PLCB1: variants seen among roughly 807,000 people sequenced by gnomAD.
PLCB1 encodes the protein 1-phosphatidylinositol 4,5-bisphosphate phosphodiesterase beta-1.
A neutral mutation model predicts 161.8 loss-of-function variants in PLCB1; 46 were observed. The ratio of observed to expected loss-of-function variants is 0.28; its 90% CI spans 0.22 to 0.36. The LOEUF is 0.36. Among genes scored for constraint, PLCB1 ranks in the 10% least tolerant of loss-of-function variants. PLCB1 has a pLI of 1.00. For synonymous variants in PLCB1, 517 were observed against 503.7 expected (o/e 1.03, Z -0.35); for missense variants, 1,016 against 1,472.5 (o/e 0.69, Z 5.07).
intron 3 of PLCB1, among the ~76,000 whole-genome samples, chr20:8,509,317 G>C (rs1006405408): frequency 6.6e-6 from 1 of 152,168 alleles, no homozygotes; most frequent in Non-Finnish European, 1.5e-5. Context: ...CATTCCACAG[G>C]AGAGCGCATC....
chr20:8,649,565 G>A, intron 7 of PLCB1, 116 bp downstream of exon 7: 1 of 724,906 alleles, frequency 1.4e-6, no homozygotes, highest in African/African-American at 1.7e-5. Flanking sequence ...GAAATTAAGA[G>A]CTTCCATGAT....
intron 4 of PLCB1, among the ~76,000 whole-genome samples, chr20:8,636,118 A>G (rs2123247557): frequency 6.6e-6 from 1 of 152,338 alleles, no homozygotes; most frequent in Non-Finnish European, 1.5e-5. Flanking sequence ...AATTGTGTTC[A>G]GCAATTTGTT....
chr20:8,703,588 G>A (rs1978493267), intron 11 of PLCB1, among the ~76,000 whole-genome samples: 1 of 152,166 alleles, frequency 6.6e-6, no homozygotes, highest in Admixed American at 6.5e-5. Context: ...GAAGGGAACA[G>A]CAGATGAGCT....
chr20:8,149,661 G>A (rs1480239944), intron 1 of PLCB1, among the ~76,000 whole-genome samples: 13 of 151,936 alleles, frequency 8.6e-5, no homozygotes, highest in Non-Finnish European at 1.5e-5. Flanking sequence ...TAAGAGAAAA[G>A]AACACATATT....
In PLCB1 at chr20:8,613,249, C is replaced by G. The variant is rs188147916; in HGVS notation, c.247-15045C>G. On this transcript the variant is annotated intron_variant, in intron 3 of 31. Transcript: ENST00000338037. ...CCACACACTTAGCCTAAACAGCAAT[C>G]ATATAAAATGACATCAATGACCACA... is the stretch of plus-strand genomic sequence containing the variant. Among the ~76,000 whole-genome samples, 107 of 152,308 alleles carry G rather than the reference C, an allele frequency of 7.0e-4. 2 individuals carry two copies. Among genetic ancestry groups the G allele is most frequent in the African/African-American group, 2.5e-3 (103 of 41,562 alleles).
At chr20:8,312,086 GGCC>G (rs1389469405) in intron 2 of PLCB1, among the ~76,000 whole-genome samples, 1 of 152,110 alleles carries the variant, frequency 6.6e-6, no homozygotes, top group Non-Finnish European at 1.5e-5. Context: ...CATGTCACCT[GGCC>G]TGTGCTTTTA....
chr20:8,451,301 A>G (rs1476063987), intron 3 of PLCB1, among the ~76,000 whole-genome samples: 1 of 152,152 alleles, frequency 6.6e-6, no homozygotes, highest in Non-Finnish European at 1.5e-5. Flanking sequence ...AAAATGGTAA[A>G]TAGATTTATT....
chr20:8,151,768 G>T (rs777953080), intron 2 of PLCB1, among the ~76,000 whole-genome samples: 4 of 151,980 alleles, frequency 2.6e-5, no homozygotes, highest in Non-Finnish European at 4.4e-5. Context: ...ATTTCTAAAC[G>T]TTGGGTATTT....
intron 27 of PLCB1, among the ~76,000 whole-genome samples, chr20:8,777,501 C>T (rs1983000019): frequency 6.6e-6 from 1 of 151,948 alleles, no homozygotes; most frequent in South Asian, 2.1e-4. Context: ...GGTGGATCAC[C>T]TGAGTTCAGG....
intron 30 of PLCB1, 98 bp from the exon 31 acceptor site, chr20:8,790,077 A>T: frequency 3.9e-6 from 3 of 764,578 alleles, no homozygotes; most frequent in Non-Finnish European, 6.6e-6. Flanking sequence ...CAAATAATCA[A>T]ATGTAAGCCA....
intron 10 of PLCB1, among the ~76,000 whole-genome samples, chr20:8,689,460 G>T (rs1990426270): frequency 6.6e-6 from 1 of 152,112 alleles, no homozygotes; most frequent in Non-Finnish European, 1.5e-5. Flanking sequence ...TCCCCATTCA[G>T]TATTAAGTTG....
chr20:8,236,228 C>A (rs566299783), intron 2 of PLCB1, among the ~76,000 whole-genome samples: 1 of 152,002 alleles, frequency 6.6e-6, no homozygotes, highest in Admixed American at 6.6e-5. Flanking sequence ...TTCATAAATA[C>A]ACTAATTACT....
At chr20:8,609,699 A>G (rs1284946158) in intron 3 of PLCB1, among the ~76,000 whole-genome samples, 1 of 152,114 alleles carries the variant, frequency 6.6e-6, no homozygotes, top group Non-Finnish European at 1.5e-5. Context: ...GCTTAAGTGC[A>G]GTGGTGCGAT....
chr20:8,839,412 C>T (rs1372176250), intron 31 of PLCB1, among the ~76,000 whole-genome samples: 2 of 152,092 alleles, frequency 1.3e-5, no homozygotes, highest in South Asian at 2.1e-4. Context: ...GAGTGGATCC[C>T]AGAACAAGAG....
chr20:8,617,835 A>T (rs1199290976), intron 3 of PLCB1, among the ~76,000 whole-genome samples: 3 of 152,186 alleles, frequency 2.0e-5, no homozygotes, highest in Non-Finnish European at 4.4e-5. Flanking sequence ...TGAGAAAAAA[A>T]GGTTATATAT....
At chr20:8,461,714 A>T (rs1468067279) in intron 3 of PLCB1, among the ~76,000 whole-genome samples, 1 of 152,190 alleles carries the variant, frequency 6.6e-6, no homozygotes, top group African/African-American at 2.4e-5. Flanking sequence ...TCTCATGTGG[A>T]GAAAGTAGTT....
rs1985807178 is a variant in PLCB1 at position 8,552,447 on chromosome 20, G to T, written c.247-75847G>T. Among the ~76,000 whole-genome samples, 4 of 152,208 alleles carry T rather than the reference G, an allele frequency of 2.6e-5. 1 individual carries two copies. The South Asian group carries it at 8.3e-4, about 31-fold the overall frequency. Reference sequence around the variant, plus strand: ...TGGATGAAAGAGACAGGAGAAGGAAGAGAGGACAGAACAATCAATACTTGA... The same window carrying T: ...TGGATGAAAGAGACAGGAGAAGGAATAGAGGACAGAACAATCAATACTTGA... On this transcript the variant is annotated intron_variant, in intron 3 of 31. Transcript: ENST00000338037.
At chr20:8,134,909 T>A (rs2051331072) in intron 1 of PLCB1, among the ~76,000 whole-genome samples, 1 of 151,754 alleles carries the variant, frequency 6.6e-6, no homozygotes. Flanking sequence ...AGGAGTCAAG[T>A]TATCTGGAAT....
intron 7 of PLCB1, 66 bp from the exon 8 acceptor site, chr20:8,657,118 A>G: frequency 1.2e-6 from 1 of 864,884 alleles, no homozygotes. Flanking sequence ...ACAGAGAAAA[A>G]ACAGGGAGGG....
Sources: allele counts gnomAD v4.1 joint callset (sites outside exome capture counted in the v4.1 genomes callset), GRCh38; gene constraint gnomAD v4.1.1; transcripts MANE v1.5; gene names NCBI Gene and HGNC (gene_info 2026-07-23, HGNC 2026-07-21).